Variants in ENOX2 observed in about 807,000 individuals in gnomAD.
ENOX2 encodes the protein ecto-NOX disulfide-thiol exchanger 2.
A neutral mutation model predicts 45.0 loss-of-function variants in ENOX2; 36 were observed. The ratio of observed to expected loss-of-function variants is 0.80; its 90% CI spans 0.61 to 1.06. The LOEUF (loss-of-function observed/expected upper bound fraction) is 1.06, where lower values mean the gene tolerates loss of function less well. Among genes scored for constraint, ENOX2 ranks in the 50% least tolerant of loss-of-function variants. The pLI, the probability that ENOX2 is intolerant of heterozygous loss-of-function variation, is 0.00. For missense variants in ENOX2, 423 were observed against 462.5 expected, an observed-to-expected ratio of 0.91 and a Z score of 0.78; for synonymous variants, 174 against 152.3, an observed-to-expected ratio of 1.14 and a Z score of -1.05.
At chrX:130,792,088 C>A (rs941104706) in intron 2 of ENOX2, among the ~76,000 whole-genome samples, 1 of 112,129 alleles carries the variant, frequency 8.9e-6, no homozygotes, top group Non-Finnish European at 1.9e-5. Context: ...AGAATGAGAT[C>A]ATCTCCTTTG....
In ENOX2 at chrX:130,623,782, C is replaced by G. The variant is rs1327552660; in HGVS notation, c.*1532G>C. ...AATGGGCTGCTGTGGAACCCTGTTTCCAGTTGTCAAGACAGACTTGGCATC... is the reference window on the plus strand; with the variant it reads ...AATGGGCTGCTGTGGAACCCTGTTTGCAGTTGTCAAGACAGACTTGGCATC... On this transcript the variant is annotated 3_prime_UTR_variant, in exon 15 of 15. Transcript: ENST00000394363. The G allele has an allele frequency of 1.8e-5, 2 of 111,106 alleles. No homozygotes were observed. The allele number at this position is 111,106 out of a possible 1,213,427, so 9.2% of individuals were successfully genotyped here. A position where few individuals can be genotyped will look rare whatever the true frequency, so the allele number is the denominator to read the frequency against.
rs534661719 is a variant in ENOX2, at chrX:130,672,679, T to C, written c.461-2481A>G. ...AAAGTCACTCCTTTCAGCTACATGG[T>C]AGCCTGGAGATAGATGGACAGTGTG... On this transcript the variant is annotated intron_variant, in intron 6 of 14. Coordinates refer to ENST00000394363, the MANE Select transcript of ENOX2 (RefSeq NM_006375.4). Among the ~76,000 whole-genome samples the C allele has an allele frequency of 1.2e-4, 13 of 112,335 alleles. No individual in the cohort carries two copies. In the South Asian group the frequency reaches 4.6e-3, roughly 39 times the overall value.
At chrX:130,816,948 A>C (rs2148458847) in intron 2 of ENOX2, among the ~76,000 whole-genome samples, 1 of 111,895 alleles carries the variant, frequency 8.9e-6, no homozygotes, top group African/African-American at 3.2e-5. Flanking sequence ...ACACAAAAAA[A>C]CCCTTCAAAA....
chrX:130,879,792 GA>G (rs887130852), intron 2 of ENOX2, among the ~76,000 whole-genome samples: 8 of 111,984 alleles, frequency 7.1e-5, no homozygotes, highest in African/African-American at 2.6e-4. Context: ...TGATCAGAGT[GA>G]ACTTTTTTTA....
At chrX:130,859,987 G>A (rs1692219062) in intron 2 of ENOX2, among the ~76,000 whole-genome samples, 1 of 106,363 alleles carries the variant, frequency 9.4e-6, no homozygotes, top group Non-Finnish European at 1.9e-5. Context: ...ATGGAGTCTC[G>A]CTCTGTCACC....
chrX:130,625,129 C>G lies in ENOX2; in HGVS notation c.*185G>C, dbSNP rs779113648. 4 of 441,877 alleles carry G rather than the reference C, an allele frequency of 9.1e-6. No individual in the cohort carries two copies. Among genetic ancestry groups the G allele is most frequent in the African/African-American group, 7.5e-5 (3 of 40,077 alleles). 36.4% of individuals were successfully genotyped at this position (441,877 alleles called of 1,213,427 possible). On this transcript the variant is annotated 3_prime_UTR_variant, in exon 15 of 15. Transcript: ENST00000394363. The stretch of plus-strand genomic sequence containing the variant: ...CAGCACTTGTGGTTTGAGGCAATTT[C>G]TCTTTAGGGCCTGTAGTTCGAGGTG...
chrX:130,666,622 GT>G (rs1017997891), intron 8 of ENOX2, among the ~76,000 whole-genome samples: 1 of 111,073 alleles, frequency 9.0e-6, no homozygotes, highest in Non-Finnish European at 1.9e-5. Flanking sequence ...CCCATGATGC[GT>G]GCTGCTTTCT....
chrX:130,880,533 A>G (rs1256506453), intron 2 of ENOX2, among the ~76,000 whole-genome samples: 1 of 112,460 alleles, frequency 8.9e-6, no homozygotes, highest in Non-Finnish European at 1.9e-5. Flanking sequence ...ATTTTAAATA[A>G]CAAAATAGTC....
intron 2 of ENOX2, among the ~76,000 whole-genome samples, chrX:130,882,687 C>G (rs974715069): frequency 8.9e-6 from 1 of 111,971 alleles, no homozygotes; most frequent in Non-Finnish European, 1.9e-5. Context: ...AGACTACCAA[C>G]GATGGGGGTT....
At chrX:130,766,955 T>C (rs1280461980) in intron 3 of ENOX2, among the ~76,000 whole-genome samples, 1 of 111,934 alleles carries the variant, frequency 8.9e-6, no homozygotes, top group East Asian at 2.8e-4. Context: ...TCTATGGATG[T>C]CAGCTCTAAG....
At chrX:130,811,641 CA>C (rs1357682959) in intron 2 of ENOX2, among the ~76,000 whole-genome samples, 1 of 112,021 alleles carries the variant, frequency 8.9e-6, no homozygotes, top group African/African-American at 3.2e-5. Flanking sequence ...GATACCAATC[CA>C]AAAATATCAA....
At chrX:130,824,841 C>T (rs2077686336) in intron 2 of ENOX2, among the ~76,000 whole-genome samples, 1 of 111,332 alleles carries the variant, frequency 9.0e-6, no homozygotes, top group African/African-American at 3.3e-5. Flanking sequence ...TTATTTCATA[C>T]CTATGAAATT....
chrX:130,686,239 G>A (rs993954425), intron 5 of ENOX2, among the ~76,000 whole-genome samples: 1 of 111,052 alleles, frequency 9.0e-6, no homozygotes, highest in African/African-American at 3.3e-5. Flanking sequence ...GATTGGATCA[G>A]GGGGTGGATT....
At chrX:130,711,102 A>G (rs1701200561) in intron 3 of ENOX2, among the ~76,000 whole-genome samples, 1 of 112,040 alleles carries the variant, frequency 8.9e-6, no homozygotes, top group Non-Finnish European at 1.9e-5. Context: ...CCTACCAAGG[A>G]ATAACATTGT....
intron 2 of ENOX2, among the ~76,000 whole-genome samples, chrX:130,831,640 A>G (rs1340206269): frequency 9.0e-6 from 1 of 111,627 alleles, no homozygotes. Flanking sequence ...ACTTTCTCAT[A>G]GAAACCTTTT....
chrX:130,779,387 T>C (rs968107991), intron 3 of ENOX2, among the ~76,000 whole-genome samples: 1 of 112,408 alleles, frequency 8.9e-6, no homozygotes, highest in African/African-American at 3.2e-5. Flanking sequence ...CTAATCCTGA[T>C]TACTGGTCTA....
chrX:130,887,663 G>A (rs1335604007), intron 2 of ENOX2, among the ~76,000 whole-genome samples: 2 of 111,791 alleles, frequency 1.8e-5, no homozygotes, highest in Non-Finnish European at 3.8e-5. Flanking sequence ...GTGGGGTGGA[G>A]GAGGTTGGAG....
intron 2 of ENOX2, among the ~76,000 whole-genome samples, chrX:130,808,966 G>A (rs762566831): frequency 8.9e-6 from 1 of 111,945 alleles, no homozygotes; most frequent in South Asian, 3.8e-4. Context: ...CCTTGTATGT[G>A]ATATAAAGAC....
rs1300753975 is a variant in ENOX2 at position 130,625,354 on chromosome X, C to G, written c.1706G>C (p.Arg569Thr). 8.3e-7 allele frequency: 1 copy of G among 1,211,798 alleles called. No individual in the cohort carries two copies. Among genetic ancestry groups the G allele is most frequent in the African/African-American group, 1.7e-5 (1 of 57,869 alleles). ...GCCCTCGAAGCCACAGAATTTCCAT[C>G]TCTTTTCCAGGCTGGCTCCAACTCC... ...MTGVGASLEK[R>T]WKFCGFEGLK... is the part of the protein sequence containing the mutation. The change falls in exon 15 of 15, where the codon AGA becomes ACA. Residue 569 changes from arginine (R) to threonine (T), a missense_variant. Coordinates refer to ENST00000394363, the MANE Select transcript of ENOX2 (RefSeq NM_006375.4).
Sources: allele counts gnomAD v4.1 joint callset (sites outside exome capture counted in the v4.1 genomes callset), GRCh38; gene constraint gnomAD v4.1.1; transcripts MANE v1.5; gene names NCBI Gene and HGNC (gene_info 2026-07-23, HGNC 2026-07-21).